Variants in GDPD1 observed in about 807,000 individuals in gnomAD.
GDPD1 encodes glycerophosphodiester phosphodiesterase domain containing 1, also known as lysophospholipase D GDPD1.
GDPD1 carries 28 observed loss-of-function variants against 45.1 expected under a neutral mutation model. The ratio of observed to expected loss-of-function variants is 0.62; its 90% CI spans 0.46 to 0.85. The LOEUF (loss-of-function observed/expected upper bound fraction) is 0.85, where lower values mean the gene tolerates loss of function less well. GDPD1 is among the 40% of genes least tolerant of loss of function. The pLI is 0.00. For synonymous variants in GDPD1, 139 were observed against 131.4 expected (o/e 1.06, Z -0.40); for missense variants, 256 against 364.8 (o/e 0.70, Z 2.43).
intron 2 of GDPD1, among the ~76,000 whole-genome samples, chr17:59,243,933 G>A (rs7220082): frequency 0.28 from 41,864 of 151,986 alleles, 6,479 homozygotes; most frequent in African/African-American, 0.41. Context: ...AACAGACATA[G>A]GCCCTTCTGT....
intron 2 of GDPD1, among the ~76,000 whole-genome samples, chr17:59,244,227 T>C (rs2047195079): frequency 1.3e-5 from 2 of 152,192 alleles, no homozygotes; most frequent in Non-Finnish European, 1.5e-5. Flanking sequence ...CCTTGATTCT[T>C]CCCTTGGGAT....
intron 1 of GDPD1, among the ~76,000 whole-genome samples, chr17:59,221,158 A>G (rs2047001331): frequency 6.6e-6 from 1 of 152,058 alleles, no homozygotes; most frequent in Admixed American, 6.6e-5. Context: ...CACTGCTCCG[A>G]GCGAGCTAGT....
At chr17:59,256,605 G>C (rs2047311200) in intron 4 of GDPD1, among the ~76,000 whole-genome samples, 1 of 152,086 alleles carries the variant, frequency 6.6e-6, no homozygotes, top group African/African-American at 2.4e-5. Flanking sequence ...TTATTGTATA[G>C]CTACTCAATG....
chr17:59,249,542 T>C (rs2147889560), intron 4 of GDPD1, among the ~76,000 whole-genome samples: 1 of 152,354 alleles, frequency 6.6e-6, no homozygotes, highest in South Asian at 2.1e-4. Flanking sequence ...TAAACAGACT[T>C]CTGTCATTCA....
At chr17:59,251,775 G>A (rs1255827175) in intron 4 of GDPD1, among the ~76,000 whole-genome samples, 2 of 151,532 alleles carry the variant, frequency 1.3e-5, no homozygotes, top group South Asian at 2.1e-4. Context: ...GGAGGCTAAG[G>A]CAGGAGGATC....
At chr17:59,251,699 A>G (rs2047255259) in intron 4 of GDPD1, among the ~76,000 whole-genome samples, 1 of 151,996 alleles carries the variant, frequency 6.6e-6, no homozygotes, top group African/African-American at 2.4e-5. Context: ...ACAGACTAAT[A>G]AACCGTGTGT....
At chr17:59,261,662 ATT>A (rs2047356532) in intron 6 of GDPD1, among the ~76,000 whole-genome samples, 1 of 150,992 alleles carries the variant, frequency 6.6e-6, no homozygotes. Flanking sequence ...TGCCTGGCAA[ATT>A]TTTTGATTTT....
At chr17:59,243,510 A>C (rs1312833876) in intron 2 of GDPD1, among the ~76,000 whole-genome samples, 1 of 150,756 alleles carries the variant, frequency 6.6e-6, no homozygotes, top group Non-Finnish European at 1.5e-5. Flanking sequence ...GTACCCCCCA[A>C]CCAAAAAAAA....
chr17:59,270,233 AC>A (rs1247107489), intron 7 of GDPD1, among the ~76,000 whole-genome samples: 1 of 150,790 alleles, frequency 6.6e-6, no homozygotes, highest in East Asian at 1.9e-4. Flanking sequence ...TTACTTTGTC[AC>A]CCAGGCTGGA....
intron 1 of GDPD1, among the ~76,000 whole-genome samples, chr17:59,222,279 T>G (rs2047010880): frequency 6.6e-6 from 1 of 152,126 alleles, no homozygotes; most frequent in Non-Finnish European, 1.5e-5. Flanking sequence ...CGATCTCGGC[T>G]CACTGCAAGC....
At position 59,272,155 on chromosome 17, in the gene GDPD1, T is replaced by C. The variant is rs539069463; in HGVS notation, c.771-630T>C. 3.9e-5 allele frequency among the ~76,000 whole-genome samples: 6 copies of C among 152,304 alleles called. No homozygotes were observed. In the South Asian group the frequency reaches 1.2e-3, roughly 32 times the overall value. On this transcript the variant is annotated intron_variant, in intron 8 of 9. Transcript: ENST00000284116. ...TTAAAAGCACATGATTTCTAGTTTCTGTTATTTAATCATTCTAATAGACAT... is the reference window on the plus strand; with the variant it reads ...TTAAAAGCACATGATTTCTAGTTTCCGTTATTTAATCATTCTAATAGACAT...
intron 1 of GDPD1, among the ~76,000 whole-genome samples, chr17:59,223,251 T>C (rs751153199): frequency 5.3e-5 from 8 of 152,360 alleles, no homozygotes; most frequent in Admixed American, 2.0e-4. Flanking sequence ...TATTTATATA[T>C]TTAAAGATGT....
At chr17:59,230,587 C>T (rs555188720) in intron 1 of GDPD1, among the ~76,000 whole-genome samples, 1 of 151,464 alleles carries the variant, frequency 6.6e-6, no homozygotes, top group East Asian at 1.9e-4. Flanking sequence ...CCTCCATGTT[C>T]GTCAGGCTGG....
At chr17:59,223,599 T>TA (rs1348455947) in intron 1 of GDPD1, among the ~76,000 whole-genome samples, 36 of 152,222 alleles carry the variant, frequency 2.4e-4, no homozygotes, top group Non-Finnish European at 3.1e-4. Flanking sequence ...TAACTGCAAA[T>TA]ACCTGATATT....
At chr17:59,271,235 C>T (rs2047441830) in intron 8 of GDPD1, among the ~76,000 whole-genome samples, 1 of 152,168 alleles carries the variant, frequency 6.6e-6, no homozygotes, top group South Asian at 2.1e-4. Flanking sequence ...CCCCCATATA[C>T]CCAGTTAAAT....
rs770186679 is a variant in GDPD1, at chr17:59,245,472, C to G, written c.244C>G (p.Gln82Glu). 6.2e-7 allele frequency: 1 copy of G among 1,609,356 alleles called. No individual in the cohort carries two copies. The highest frequency in any genetic ancestry group is 8.5e-7 in the Non-Finnish European group (1 of 1,175,958). Reference protein sequence around the residue: ...ELDCHITKDEQVVVSHDENLK... With the variant: ...ELDCHITKDEEVVVSHDENLK... Reference sequence around the variant, plus strand: ...GGACTGCCATATCACAAAAGATGAACAAGTTGTAGTGTCACATGATGAGAA... The same window carrying G: ...GGACTGCCATATCACAAAAGATGAAGAAGTTGTAGTGTCACATGATGAGAA... Residue 82 changes from glutamine to glutamate, a missense_variant, in exon 3 of 10, where the codon CAA becomes GAA. Physicochemically the swap from Gln to Glu is conservative, Grantham distance 29. Transcript: ENST00000284116.
intron 4 of GDPD1, among the ~76,000 whole-genome samples, chr17:59,256,620 AT>A (rs2047311279): frequency 6.6e-6 from 1 of 152,210 alleles, no homozygotes; most frequent in African/African-American, 2.4e-5. Flanking sequence ...TCAATGGAGT[AT>A]TTTGACATCT....
At chr17:59,269,020 C>T (rs931481817) in intron 7 of GDPD1, among the ~76,000 whole-genome samples, 3 of 151,838 alleles carry the variant, frequency 2.0e-5, no homozygotes, top group Non-Finnish European at 2.9e-5. Context: ...AACAATTGGC[C>T]GGGCGTGGTG....
intron 1 of GDPD1, among the ~76,000 whole-genome samples, chr17:59,224,976 G>C (rs932575745): frequency 1.3e-5 from 2 of 151,584 alleles, no homozygotes; most frequent in African/African-American, 4.8e-5. Context: ...AAAGAGATTT[G>C]CAAAAATATA....
Sources: allele counts gnomAD v4.1 joint callset (sites outside exome capture counted in the v4.1 genomes callset), GRCh38; gene constraint gnomAD v4.1.1; transcripts MANE v1.5; gene names NCBI Gene and HGNC (gene_info 2026-07-23, HGNC 2026-07-21).